Variants in CNTN1 observed in about 807,000 individuals in gnomAD.
CNTN1 encodes the protein contactin 1.
A neutral mutation model predicts 126.4 loss-of-function variants in CNTN1; 38 were observed. The observed-to-expected ratio is 0.30, with a 90% confidence interval of 0.23 to 0.39. The LOEUF is 0.39. Among genes scored for constraint, CNTN1 ranks in the 10% least tolerant of loss-of-function variants. CNTN1 has a pLI of 1.00. For synonymous variants in CNTN1, 413 were observed against 422.6 expected (o/e 0.98, Z 0.28); for missense variants, 1,009 against 1,248.4 (o/e 0.81, Z 2.89).
In CNTN1 at chr12:40,930,022, C is replaced by T. The variant is rs1254504461; in HGVS notation, c.703+20C>T. 1.3e-6 allele frequency: 2 copies of T among 1,576,678 alleles called. No individual in the cohort carries two copies. Among genetic ancestry groups the T allele is most frequent in the South Asian group, 1.1e-5 (1 of 90,358 alleles). ...CTGAACGTAAGTATTTTATTTGTTA[C>T]ACTCTGTTTTCGCAAGGTTATCTAC... On this transcript the variant is annotated intron_variant, in intron 7 of 23. Coordinates refer to ENST00000551295, the MANE Select transcript of CNTN1 (RefSeq NM_001843.4).
At chr12:40,818,434 T>C (rs1941326364) in intron 1 of CNTN1, among the ~76,000 whole-genome samples, 1 of 152,232 alleles carries the variant, frequency 6.6e-6, no homozygotes, top group African/African-American at 2.4e-5. Flanking sequence ...CAAACTCTGA[T>C]ATCCTTTCTT....
intron 23 of CNTN1, among the ~76,000 whole-genome samples, chr12:41,068,117 A>C (rs918167420): frequency 6.6e-6 from 1 of 152,216 alleles, no homozygotes; most frequent in South Asian, 2.1e-4. Context: ...AGAGGTCAAA[A>C]GTGCATGGCC....
At chr12:40,911,368 C>G (rs1201061274) in intron 3 of CNTN1, among the ~76,000 whole-genome samples, 1 of 152,180 alleles carries the variant, frequency 6.6e-6, no homozygotes, top group Non-Finnish European at 1.5e-5. Context: ...GCGTGAGCCA[C>G]CGTGCCCGGC....
At chr12:40,743,731 G>C (rs1183546553) in intron 1 of CNTN1, among the ~76,000 whole-genome samples, 2 of 151,856 alleles carry the variant, frequency 1.3e-5, no homozygotes, top group Non-Finnish European at 2.9e-5. Context: ...CTCCCATTTT[G>C]TAGGTTGTCT....
chr12:40,803,262 G>C (rs1458570870), intron 1 of CNTN1, among the ~76,000 whole-genome samples: 1 of 151,922 alleles, frequency 6.6e-6, no homozygotes, highest in Non-Finnish European at 1.5e-5. Flanking sequence ...TGGATGTTGT[G>C]TCACTGCAGG....
intron 14 of CNTN1, among the ~76,000 whole-genome samples, chr12:40,947,804 C>T (rs1231902620): frequency 8.1e-5 from 12 of 148,876 alleles, no homozygotes; most frequent in East Asian, 3.9e-4. Context: ...CACACACACA[C>T]ACACACACAC....
chr12:40,883,914 A>G (rs1943949158), intron 1 of CNTN1, among the ~76,000 whole-genome samples: 1 of 151,610 alleles, frequency 6.6e-6, no homozygotes, highest in Admixed American at 6.6e-5. Context: ...ACTCATGTTA[A>G]TTTTTGCTTT....
At chr12:40,748,984 G>T (rs550878526) in intron 1 of CNTN1, among the ~76,000 whole-genome samples, 1 of 152,096 alleles carries the variant, frequency 6.6e-6, no homozygotes, top group African/African-American at 2.4e-5. Context: ...CACCCCTGAG[G>T]TTCTTTTACC....
Position 40,854,352 on chromosome 12 carries a change from C to A in CNTN1, c.-76-54005C>A, listed in dbSNP as rs551169531. Among the ~76,000 whole-genome samples, 11 of 151,972 alleles carry A rather than the reference C, an allele frequency of 7.2e-5. No homozygotes were observed. The South Asian group carries it at 2.3e-3, about 32-fold the overall frequency. On this transcript the variant is annotated intron_variant, in intron 1 of 23. Coordinates refer to ENST00000551295, the MANE Select transcript of CNTN1 (RefSeq NM_001843.4). ...GTGAAAGTTTGATTTATTTTGAATC[C>A]TGAAGAATAAAGATTTATTCAAGAC... is the stretch of plus-strand genomic sequence containing the variant.
chr12:40,767,738 C>A (rs2136427487), intron 1 of CNTN1, among the ~76,000 whole-genome samples: 1 of 152,162 alleles, frequency 6.6e-6, no homozygotes, highest in South Asian at 2.1e-4. Flanking sequence ...GGTCTACTGA[C>A]CTTTCTTTAT....
At chr12:40,808,380 C>A (rs184931765) in intron 1 of CNTN1, among the ~76,000 whole-genome samples, 1 of 151,962 alleles carries the variant, frequency 6.6e-6, no homozygotes, top group African/African-American at 2.4e-5. Context: ...TAAATATTTC[C>A]ACCATGGTTG....
intron 22 of CNTN1, 115 bp downstream of exon 22, chr12:41,028,084 T>C: frequency 1.4e-6 from 1 of 728,298 alleles, no homozygotes; most frequent in Admixed American, 2.0e-5. Context: ...CAGACCGGAG[T>C]GCAGTGGTAC....
chr12:40,958,782 A>T (rs1439860301), intron 14 of CNTN1, among the ~76,000 whole-genome samples: 2 of 152,174 alleles, frequency 1.3e-5, no homozygotes, highest in East Asian at 3.9e-4. Context: ...CTTAAAACTT[A>T]TTGATACTTA....
chr12:40,900,435 G>T (rs1470186499), intron 1 of CNTN1, among the ~76,000 whole-genome samples: 1 of 152,116 alleles, frequency 6.6e-6, no homozygotes, highest in Non-Finnish European at 1.5e-5. Context: ...CCTACATTTT[G>T]GGAGTGTGTG....
chr12:40,881,903 G>T (rs1250668580), intron 1 of CNTN1, among the ~76,000 whole-genome samples: 1 of 151,798 alleles, frequency 6.6e-6, no homozygotes, highest in African/African-American at 2.4e-5. Flanking sequence ...AGACCATTTT[G>T]CCCTCTTTGT....
intron 3 of CNTN1, among the ~76,000 whole-genome samples, chr12:40,912,258 T>C (rs1485255480): frequency 1.3e-5 from 2 of 152,138 alleles, no homozygotes. Context: ...AATATTGTAT[T>C]CTATTGAGAT....
At chr12:40,951,602 G>A (rs1334269552) in intron 14 of CNTN1, among the ~76,000 whole-genome samples, 1 of 150,862 alleles carries the variant, frequency 6.6e-6, no homozygotes, top group South Asian at 2.1e-4. Flanking sequence ...CCAGCTACTC[G>A]AGAGGCTGAG....
intron 1 of CNTN1, among the ~76,000 whole-genome samples, chr12:40,777,360 T>G (rs1050226433): frequency 6.6e-6 from 1 of 151,560 alleles, no homozygotes; most frequent in African/African-American, 2.4e-5. Flanking sequence ...TCCTAGGACT[T>G]AAAGGAAGGG....
At chr12:41,020,667 A>G (rs1034124839) in intron 20 of CNTN1, among the ~76,000 whole-genome samples, 1 of 152,132 alleles carries the variant, frequency 6.6e-6, no homozygotes, top group Non-Finnish European at 1.5e-5. Flanking sequence ...CCTGGCAAAC[A>G]ATTGGCCAAA....
Sources: gnomAD v4.1 joint callset for allele counts (sites outside exome capture counted in the v4.1 genomes callset) on GRCh38, gnomAD v4.1.1 for gene constraint, MANE v1.5 for transcripts, NCBI Gene and HGNC (gene_info 2026-07-23, HGNC 2026-07-21) for gene names.